The following NCKAP1 variants were observed in gnomAD, a reference collection of about 807,000 sequenced individuals.
The protein encoded by NCKAP1 is NCK associated protein 1, also known as nck-associated protein 1.
NCKAP1 carries 21 observed loss-of-function variants against 151.2 expected under a neutral mutation model. That is an observed-to-expected ratio of 0.14 (90% CI 0.10 to 0.20). NCKAP1 has a LOEUF of 0.20. NCKAP1 is among the 10% of genes least tolerant of loss of function. The pLI, the probability that NCKAP1 is intolerant of heterozygous loss-of-function variation, is 1.00. For missense variants in NCKAP1, 933 were observed against 1,352.1 expected, an observed-to-expected ratio of 0.69 and a Z score of 4.86; for synonymous variants, 484 against 451.8, an observed-to-expected ratio of 1.07 and a Z score of -0.90.
intron 2 of NCKAP1, among the ~76,000 whole-genome samples, chr2:183,012,741 G>A (rs1698612144): frequency 6.7e-6 from 1 of 148,782 alleles, no homozygotes; most frequent in Non-Finnish European, 1.5e-5. Context: ...GCCTCCCCAA[G>A]TAGCTGGGAA....
chr2:183,034,584 G>C (rs1050658379), intron 1 of NCKAP1, among the ~76,000 whole-genome samples: 1 of 152,056 alleles, frequency 6.6e-6, no homozygotes, highest in Non-Finnish European at 1.5e-5. Context: ...TGTTTTCTTT[G>C]GGTATTTGGC....
Position 182,925,819 on chromosome 2 carries a change from C to A in NCKAP1, c.3271-1G>T. 2 of 1,487,798 alleles carry A rather than the reference C, an allele frequency of 1.3e-6. No individual in the cohort carries two copies. The highest frequency in any genetic ancestry group is 1.8e-6 in the Non-Finnish European group (2 of 1,108,382). 92.2% of individuals were successfully genotyped at this position (1,487,798 alleles called of 1,614,324 possible). A position where few individuals can be genotyped will look rare whatever the true frequency, so the allele number is the denominator to read the frequency against. On this transcript the variant is annotated splice_acceptor_variant, in intron 30 of 30. Transcript: ENST00000361354. LOFTEE classifies it high-confidence loss of function. ...TAAGGAATGGAGATTCTTGTACAAT[C>A]TGTAAAATTCAAAAAATCCATCAAA... is the stretch of plus-strand genomic sequence containing the variant.
chr2:182,956,596 G>GA lies in NCKAP1; in HGVS notation c.2022-4dup. 1 of 1,591,052 alleles carries GA rather than the reference G, an allele frequency of 6.3e-7. No individual in the cohort carries two copies. The highest frequency in any genetic ancestry group is 8.5e-7 in the Non-Finnish European group (1 of 1,172,386). ...GTGCAGTGTGCAATTTATCAAGGCT[G>GA]AAAAAAATTAATAAACAGTTAAAAT... On this transcript the variant is annotated splice_region_variant and splice_polypyrimidine_tract_variant and intron_variant, in intron 19 of 30. Transcript: ENST00000361354.
At chr2:182,973,164 A>C (rs1486385254) in intron 15 of NCKAP1, among the ~76,000 whole-genome samples, 1 of 152,202 alleles carries the variant, frequency 6.6e-6, no homozygotes, top group Non-Finnish European at 1.5e-5. Flanking sequence ...AATATGTACA[A>C]CTATTATGTA....
At chr2:182,983,879 A>G (rs544244093) in intron 10 of NCKAP1, among the ~76,000 whole-genome samples, 24 of 152,234 alleles carry the variant, frequency 1.6e-4, no homozygotes, top group African/African-American at 5.8e-4. Flanking sequence ...CTAAAAATAC[A>G]AAACATTAGC....
intron 19 of NCKAP1, 23 bp downstream of exon 19, chr2:182,957,434 G>T: frequency 6.3e-7 from 1 of 1,597,656 alleles, no homozygotes; most frequent in Non-Finnish European, 8.5e-7. Context: ...GAGCAAAAAG[G>T]TATAATATAA....
Position 182,921,653 on chromosome 2 carries a change from C to A in NCKAP1, c.*4049G>T, listed in dbSNP as rs1450418971. On this transcript the variant is annotated 3_prime_UTR_variant, in exon 31 of 31. Transcript: ENST00000361354. Reference sequence around the variant, plus strand: ...AGACATGGCCCTCTGTGGCTAGGATCCTAACTTCAGATTGCTAATTTATCC... The same window carrying A: ...AGACATGGCCCTCTGTGGCTAGGATACTAACTTCAGATTGCTAATTTATCC... 1.3e-5 allele frequency: 2 copies of A among 152,202 alleles called. No homozygotes were observed. The highest frequency in any genetic ancestry group is 2.9e-5 in the Non-Finnish European group (2 of 68,046). 9.4% of individuals were successfully genotyped at this position (152,202 alleles called of 1,614,324 possible).
chr2:183,037,149 GTAAAAGCCTT>G (rs1026170484), intron 1 of NCKAP1, among the ~76,000 whole-genome samples: 6 of 152,198 alleles, frequency 3.9e-5, no homozygotes, highest in African/African-American at 1.4e-4. Context: ...CTGAGGACAT[GTAAAAGCCTT>G]TAAATGGGCC....
intron 2 of NCKAP1, 147 bp downstream of exon 2, chr2:183,023,659 T>C (rs1006003054): frequency 5.5e-6 from 3 of 548,212 alleles, no homozygotes; most frequent in Non-Finnish European, 9.3e-6. Context: ...CATAAGAATA[T>C]TGTCTCAAAA....
chr2:182,983,704 T>C (rs1440472247), intron 10 of NCKAP1, among the ~76,000 whole-genome samples: 1 of 152,228 alleles, frequency 6.6e-6, no homozygotes, highest in Admixed American at 6.5e-5. Flanking sequence ...CCAATTTTAG[T>C]ACCATGTAGC....
chr2:182,967,995 G>A (rs1448911897), intron 15 of NCKAP1, among the ~76,000 whole-genome samples: 2 of 152,188 alleles, frequency 1.3e-5, no homozygotes, highest in Non-Finnish European at 2.9e-5. Flanking sequence ...GAAGGGCAGA[G>A]AATAAGAATA....
intron 23 of NCKAP1, among the ~76,000 whole-genome samples, chr2:182,949,058 C>T (rs1035581010): frequency 1.3e-5 from 2 of 152,108 alleles, no homozygotes; most frequent in South Asian, 2.1e-4. Context: ...TTTTTAAATA[C>T]GTGAAGAGTG....
chr2:182,933,572 T>C (rs1696810064), intron 26 of NCKAP1, among the ~76,000 whole-genome samples: 2 of 151,914 alleles, frequency 1.3e-5, no homozygotes, highest in Admixed American at 1.3e-4. Flanking sequence ...TTTGTATTTT[T>C]AGTAGAGATG....
intron 10 of NCKAP1, among the ~76,000 whole-genome samples, chr2:182,985,053 A>G (rs917053027): frequency 6.6e-6 from 1 of 152,262 alleles, no homozygotes; most frequent in African/African-American, 2.4e-5. Flanking sequence ...AACAAACTCC[A>G]AAGTACGTTA....
At chr2:182,934,984 A>G in intron 25 of NCKAP1, 152 bp from the exon 26 acceptor site, 1 of 567,926 alleles carries the variant, frequency 1.8e-6, no homozygotes, top group Non-Finnish European at 3.1e-6. Flanking sequence ...AAGACATATG[A>G]AAATTAAATG....
chr2:182,982,152 AAT>A (rs1243657783), intron 12 of NCKAP1, among the ~76,000 whole-genome samples: 1 of 152,232 alleles, frequency 6.6e-6, no homozygotes, highest in South Asian at 2.1e-4. Flanking sequence ...TTGTGTAGTA[AAT>A]AGTTTTAAAA....
At chr2:182,932,050 G>T (rs1696777036) in intron 26 of NCKAP1, among the ~76,000 whole-genome samples, 2 of 152,062 alleles carry the variant, frequency 1.3e-5, no homozygotes, top group Admixed American at 1.3e-4. Context: ...CACCCAATTT[G>T]AAAACAGTTT....
rs1246862100 is a variant in NCKAP1, at chr2:182,925,690, A to G, written c.*12T>C. 2 of 1,467,072 alleles carry G rather than the reference A, an allele frequency of 1.4e-6. No individual in the cohort carries two copies. The highest frequency in any genetic ancestry group is 1.9e-6 in the Non-Finnish European group (2 of 1,079,874). 90.9% of individuals were successfully genotyped at this position (1,467,072 alleles called of 1,614,324 possible). A position where few individuals can be genotyped will look rare whatever the true frequency, so the allele number is the denominator to read the frequency against. On this transcript the variant is annotated 3_prime_UTR_variant, in exon 31 of 31. Coordinates refer to ENST00000361354, the MANE Select transcript of NCKAP1 (RefSeq NM_013436.5). ...ACAAAAATGCGTGCTTATCTTGATT[A>G]AGTAGGTAATTTTATGCAGAAGATG...
chr2:183,010,058 T>G (rs1698563312), intron 2 of NCKAP1, among the ~76,000 whole-genome samples: 1 of 152,228 alleles, frequency 6.6e-6, no homozygotes, highest in Non-Finnish European at 1.5e-5. Context: ...AAATTAATTC[T>G]GGAATGCACA....
Sources: allele counts gnomAD v4.1 joint callset (sites outside exome capture counted in the v4.1 genomes callset), GRCh38; gene constraint gnomAD v4.1.1; transcripts MANE v1.5; gene names NCBI Gene and HGNC (gene_info 2026-07-23, HGNC 2026-07-21).